The following HIP1 variants were observed in gnomAD, a reference collection of about 807,000 sequenced individuals.
HIP1 encodes huntingtin-interacting protein 1.
Under a neutral mutation model 147.6 loss-of-function variants are expected in HIP1, and 65 were observed. The observed-to-expected ratio is 0.44, with a 90% CI of 0.36 to 0.54. The LOEUF (loss-of-function observed/expected upper bound fraction) is 0.54, where lower values mean the gene tolerates loss of function less well. Ranked by LOEUF, HIP1 falls within the 20% of genes least tolerant of loss-of-function variation. The pLI is 0.00. For missense variants in HIP1, 1,061 were observed against 1,299.6 expected (o/e 0.82, Z 2.82); for synonymous variants, 479 against 504.0 (o/e 0.95, Z 0.67).
intron 1 of HIP1, among the ~76,000 whole-genome samples, chr7:75,689,339 C>T (rs533398459): frequency 4.1e-4 from 62 of 152,174 alleles, no homozygotes; most frequent in African/African-American, 1.5e-3. Context: ...AATGTCGTCT[C>T]TACTAAAAAT....
rs187013099 is a variant in HIP1, at chr7:75,630,946, G to A, written c.121-31699C>T. On this transcript the variant is annotated intron_variant, in intron 1 of 30. Transcript: ENST00000336926. Reference sequence around the variant, plus strand: ...AAGCCCCTCCTATGTGCCAAGTACTGTATTTTGTATTTTATCTTATTTTTT... The same window carrying A: ...AAGCCCCTCCTATGTGCCAAGTACTATATTTTGTATTTTATCTTATTTTTT... Among the ~76,000 whole-genome samples, 10 of 152,196 alleles carry A rather than the reference G, an allele frequency of 6.6e-5. No individual in the cohort carries two copies. In the East Asian group the frequency reaches 1.9e-3, roughly 29 times the overall value.
chr7:75,646,855 T>C (rs1798817190), intron 1 of HIP1, among the ~76,000 whole-genome samples: 1 of 152,092 alleles, frequency 6.6e-6, no homozygotes, highest in Admixed American at 6.6e-5. Flanking sequence ...CAGTGCCACT[T>C]AGAGCCAGGA....
At chr7:75,559,703 G>GGCCGCCCCCCCCCCCCCCCCCCC in intron 14 of HIP1, 29 bp downstream of exon 14, 1 of 1,195,144 alleles carries the variant, frequency 8.4e-7, no homozygotes, top group Non-Finnish European at 1.2e-6. Flanking sequence ...TGCCCCCGGG[G>GGCCGCCCCCCCCCCCCCCCCCCC]CCCGCCCCCG....
At chr7:75,619,267 A>G (rs1026052353) in intron 1 of HIP1, among the ~76,000 whole-genome samples, 6 of 152,306 alleles carry the variant, frequency 3.9e-5, no homozygotes, top group African/African-American at 1.4e-4. Flanking sequence ...TCATGCCTGT[A>G]ATCCCAGCAC....
At chr7:75,651,921 A>AT (rs1799001104) in intron 1 of HIP1, among the ~76,000 whole-genome samples, 1 of 151,924 alleles carries the variant, frequency 6.6e-6, no homozygotes, top group African/African-American at 2.4e-5. Flanking sequence ...AGGCAGGAGA[A>AT]TCGCTTGAAC....
At position 75,538,042 on chromosome 7, in the gene HIP1, C is replaced by G; in HGVS notation, c.*130G>C. On this transcript the variant is annotated 3_prime_UTR_variant, in exon 31 of 31. Transcript: ENST00000336926. ...AGTCTTTGGAAGTGTCATGCATGTC[C>G]TCGGCACTGGGTAATGGCAGTGGTG... 1 of 767,782 alleles carries G rather than the reference C, an allele frequency of 1.3e-6. No individual in the cohort carries two copies. The highest frequency in any genetic ancestry group is 2.4e-6 in the Non-Finnish European group (1 of 420,552). The allele number at this position is 767,782 out of a possible 1,614,324, so 47.6% of individuals were successfully genotyped here.
rs1554502517 is a variant in HIP1, at chr7:75,599,189, G to C, written c.179C>G (p.Ala60Gly). ...AGCAACATCCAAAAGGATATTTCTG[G>C]CGTGTTTTTCCTTTACAGCCACTTC... ...TQEVAVKEKH[A>G]RTCILGTHHE... The change falls in exon 2 of 31, where the codon GCC becomes GGC. Residue 60 changes from alanine to glycine, a missense_variant. Physicochemically the swap from Ala to Gly is moderately conservative, Grantham distance 60. Coordinates refer to ENST00000336926, the MANE Select transcript of HIP1 (RefSeq NM_005338.7). 6.2e-7 allele frequency: 1 copy of C among 1,611,108 alleles called. No individual in the cohort carries two copies. Among genetic ancestry groups the C allele is most frequent in the Non-Finnish European group, 8.5e-7 (1 of 1,177,378 alleles).
chr7:75,683,596 T>G (rs538557919), intron 1 of HIP1, among the ~76,000 whole-genome samples: 8 of 152,254 alleles, frequency 5.3e-5, no homozygotes, highest in African/African-American at 1.9e-4. Context: ...ATGGAGGATA[T>G]CTGAGGCCCG....
chr7:75,629,689 T>G (rs1584899501), intron 1 of HIP1, among the ~76,000 whole-genome samples: 2 of 152,018 alleles, frequency 1.3e-5, no homozygotes, highest in African/African-American at 4.8e-5. Context: ...ATTACAGGCG[T>G]GAGCCACCAC....
rs1289699632 is a variant in HIP1, at chr7:75,706,014, C to T, written c.120+32787G>A. On this transcript the variant is annotated intron_variant, in intron 1 of 30. Transcript: ENST00000336926. ...TCAAGTGATTTTCTCCTGCCTCAGC[C>T]TCCCAAATAGCTGGGATTACAGGTG... 2.0e-5 allele frequency among the ~76,000 whole-genome samples: 3 copies of T among 152,238 alleles called. No homozygotes were observed. In the East Asian group the frequency reaches 5.8e-4, roughly 29 times the overall value.
In HIP1 at chr7:75,616,102, A is replaced by G. The variant is rs1308739625; in HGVS notation, c.121-16855T>C. On this transcript the variant is annotated intron_variant, in intron 1 of 30. Transcript: ENST00000336926. ...CTCTGTCTCAAAAAAAAAAAAAAAA[A>G]AAAAGAAAAGATAAGAAAAGAAAAG... Among the ~76,000 whole-genome samples the G allele has an allele frequency of 1.7e-3, 249 of 150,228 alleles. 2 individuals are homozygous for G. The highest frequency in any genetic ancestry group is 6.8e-3 in the Middle Eastern group (2 of 292).
chr7:75,637,119 T>C (rs1460956575), intron 1 of HIP1, among the ~76,000 whole-genome samples: 1 of 152,232 alleles, frequency 6.6e-6, no homozygotes, highest in East Asian at 1.9e-4. Flanking sequence ...TAGCTAACTG[T>C]TGAGTCGGCC....
chr7:75,651,255 C>T (rs558656435), intron 1 of HIP1, among the ~76,000 whole-genome samples: 4 of 151,426 alleles, frequency 2.6e-5, no homozygotes, highest in South Asian at 2.1e-4. Context: ...GTCAGGAGTT[C>T]GAGACCAGCC....
At chr7:75,599,328 G>A (rs587697700) in intron 1 of HIP1, 81 bp from the exon 2 acceptor site, 37 of 1,106,208 alleles carry the variant, frequency 3.3e-5, no homozygotes, top group South Asian at 1.8e-4. Context: ...CCAGATGCCC[G>A]CCCCTTTCTC....
At chr7:75,549,960 A>C (rs1465131074) in intron 22 of HIP1, among the ~76,000 whole-genome samples, 1 of 151,476 alleles carries the variant, frequency 6.6e-6, no homozygotes, top group Non-Finnish European at 1.5e-5. Flanking sequence ...GAATTACTAT[A>C]CCTGGCCTAC....
At chr7:75,547,465 A>G (rs1794611548) in intron 24 of HIP1, among the ~76,000 whole-genome samples, 1 of 152,032 alleles carries the variant, frequency 6.6e-6, no homozygotes, top group Admixed American at 6.6e-5. Context: ...ATGACTTTTC[A>G]CCACATTGGG....
At chr7:75,674,681 T>C (rs1360588008) in intron 1 of HIP1, among the ~76,000 whole-genome samples, 1 of 151,976 alleles carries the variant, frequency 6.6e-6, no homozygotes, top group Non-Finnish European at 1.5e-5. Flanking sequence ...TTAGTACAGA[T>C]GGGGTTTCAC....
chr7:75,592,321 T>A, intron 3 of HIP1, 51 bp downstream of exon 3: 1 of 1,569,448 alleles, frequency 6.4e-7, no homozygotes, highest in Non-Finnish European at 8.6e-7. Context: ...GCAGTCACTT[T>A]CCCCACAAGG....
rs587722334 is a variant in HIP1, at chr7:75,548,807, C to T, written c.2406+84G>A. 106 of 1,069,104 alleles carry T rather than the reference C, an allele frequency of 9.9e-5. 1 individual carries two copies. In the Middle Eastern group the frequency reaches 1.0e-3, roughly 10 times the overall value. 66.2% of individuals were successfully genotyped at this position (1,069,104 alleles called of 1,614,324 possible). A position where few individuals can be genotyped will look rare whatever the true frequency, so the allele number is the denominator to read the frequency against. On this transcript the variant is annotated intron_variant, in intron 23 of 30. Transcript: ENST00000336926. ...AGGGGGTTGCCATGGCCTTAATGAA[C>T]GACTGTGACATGTTTAATGAGCAGT...
Sources: allele counts gnomAD v4.1 joint callset (sites outside exome capture counted in the v4.1 genomes callset), GRCh38; gene constraint gnomAD v4.1.1; transcripts MANE v1.5; gene names NCBI Gene and HGNC (gene_info 2026-07-23, HGNC 2026-07-21).